Variants in CSMD3 observed in about 807,000 individuals in gnomAD.
CSMD3 encodes CUB and Sushi multiple domains 3, also known as CUB and sushi domain-containing protein 3.
CSMD3 carries 177 observed loss-of-function variants against 435.2 expected under a neutral mutation model. The observed-to-expected ratio is 0.41, with a 90% confidence interval of 0.36 to 0.46. The LOEUF is 0.46. Ranked by LOEUF, CSMD3 falls within the 20% of genes least tolerant of loss-of-function variation. The pLI is 0.34. For missense variants in CSMD3, 4,265 were observed against 4,504.6 expected, an observed-to-expected ratio of 0.95 and a Z score of 1.52; for synonymous variants, 1,656 against 1,520.5, an observed-to-expected ratio of 1.09 and a Z score of -2.07.
In CSMD3 at chr8:112,600,853, A is replaced by G. The variant is rs1246655672; in HGVS notation, c.3716-13618T>C. Among the ~76,000 whole-genome samples, 3 of 151,744 alleles carry G rather than the reference A, an allele frequency of 2.0e-5. No homozygotes were observed. In the East Asian group the frequency reaches 5.8e-4, roughly 29 times the overall value. On this transcript the variant is annotated intron_variant, in intron 22 of 70. Transcript: ENST00000297405. ...CCACTACGCCCAGCTAATTTTATGT[A>G]TTTTTAGTAGAGACGGGGTTTCACC...
At chr8:112,930,085 T>C (rs979701321) in intron 9 of CSMD3, among the ~76,000 whole-genome samples, 1 of 152,118 alleles carries the variant, frequency 6.6e-6, no homozygotes, top group African/African-American at 2.4e-5. Context: ...AATTTAATGC[T>C]ATATTGTTTA....
chr8:112,355,183 A>G (rs1184725375), intron 38 of CSMD3, among the ~76,000 whole-genome samples: 1 of 152,214 alleles, frequency 6.6e-6, no homozygotes, highest in African/African-American at 2.4e-5. Flanking sequence ...TATCTCTCAC[A>G]TTTACAAAAA....
intron 7 of CSMD3, among the ~76,000 whole-genome samples, chr8:112,961,470 C>T (rs373765353): frequency 4.0e-5 from 6 of 151,654 alleles, no homozygotes; most frequent in Non-Finnish European, 8.9e-5. Flanking sequence ...TTCTATTTTA[C>T]AAAAGAAGAT....
At chr8:112,495,049 A>G (rs1332059269) in intron 30 of CSMD3, among the ~76,000 whole-genome samples, 1 of 152,182 alleles carries the variant, frequency 6.6e-6, no homozygotes, top group Non-Finnish European at 1.5e-5. Flanking sequence ...ATATTCACAC[A>G]ACTCTTTTTA....
intron 32 of CSMD3, among the ~76,000 whole-genome samples, chr8:112,447,259 T>C (rs1018634571): frequency 1.3e-5 from 2 of 152,068 alleles, no homozygotes; most frequent in Non-Finnish European, 2.9e-5. Flanking sequence ...TAAATTTTTA[T>C]AATGGAAAAG....
At chr8:113,026,525 A>G (rs1301559095) in intron 5 of CSMD3, among the ~76,000 whole-genome samples, 3 of 152,258 alleles carry the variant, frequency 2.0e-5, no homozygotes, top group East Asian at 3.9e-4. Flanking sequence ...CTTAGTGATA[A>G]GTTTTCTATG....
chr8:112,521,633 TTTAAGTA>T (rs1311786422), intron 27 of CSMD3, among the ~76,000 whole-genome samples: 1 of 151,882 alleles, frequency 6.6e-6, no homozygotes, highest in Non-Finnish European at 1.5e-5. Context: ...ACTTCATAAG[TTTAAGTA>T]TTATTTTTAG....
At chr8:112,630,059 G>T (rs186450586) in intron 22 of CSMD3, among the ~76,000 whole-genome samples, 355 of 152,228 alleles carry the variant, frequency 2.3e-3, no homozygotes, top group African/African-American at 8.1e-3. Flanking sequence ...ATATAACCAT[G>T]TGACCTTGGA....
At chr8:113,377,538 A>G (rs545682395) in intron 1 of CSMD3, among the ~76,000 whole-genome samples, 2 of 152,294 alleles carry the variant, frequency 1.3e-5, no homozygotes, top group East Asian at 3.9e-4. Context: ...GCTGAGTTTT[A>G]GTTCATTTGA....
At chr8:112,636,132 C>G (rs938145370) in intron 22 of CSMD3, among the ~76,000 whole-genome samples, 1 of 151,948 alleles carries the variant, frequency 6.6e-6, no homozygotes, top group African/African-American at 2.4e-5. Context: ...AATGAAAAGC[C>G]TTTTTTCTAC....
intron 2 of CSMD3, among the ~76,000 whole-genome samples, chr8:113,296,082 G>A (rs1349448515): frequency 6.6e-6 from 1 of 151,802 alleles, no homozygotes; most frequent in African/African-American, 2.4e-5. Flanking sequence ...TCACTCATAG[G>A]TGGGAAGTGA....
At chr8:112,830,669 G>C (rs2079843166) in intron 11 of CSMD3, among the ~76,000 whole-genome samples, 2 of 151,244 alleles carry the variant, frequency 1.3e-5, no homozygotes, top group African/African-American at 4.9e-5. Flanking sequence ...TATTATGAGA[G>C]AATAAATGAA....
intron 35 of CSMD3, among the ~76,000 whole-genome samples, chr8:112,402,092 A>G (rs867062432): frequency 6.6e-6 from 1 of 152,334 alleles, no homozygotes; most frequent in African/African-American, 2.4e-5. Flanking sequence ...ATTAGGTTCC[A>G]AGAACTAAGC....
chr8:112,316,297 A>C (rs1430786433), intron 47 of CSMD3, among the ~76,000 whole-genome samples: 1 of 151,806 alleles, frequency 6.6e-6, no homozygotes, highest in African/African-American at 2.4e-5. Flanking sequence ...GATTAAAAAT[A>C]TTGCATAAAT....
chr8:112,739,808 T>A (rs2077263915), intron 13 of CSMD3, among the ~76,000 whole-genome samples: 1 of 151,836 alleles, frequency 6.6e-6, no homozygotes, highest in Non-Finnish European at 1.5e-5. Context: ...TAAATATACA[T>A]TTAAGTGTTT....
At chr8:112,378,582 T>A (rs1372282403) in intron 38 of CSMD3, among the ~76,000 whole-genome samples, 1 of 152,178 alleles carries the variant, frequency 6.6e-6, no homozygotes, top group Non-Finnish European at 1.5e-5. Context: ...ATATTGCATA[T>A]TCTCACGCAT....
intron 10 of CSMD3, among the ~76,000 whole-genome samples, chr8:112,866,176 C>T (rs1267378744): frequency 6.6e-6 from 1 of 152,084 alleles, no homozygotes; most frequent in East Asian, 1.9e-4. Context: ...GTTTGTGGTT[C>T]ATTTTTCATC....
At chr8:113,374,071 A>G (rs1408164818) in intron 1 of CSMD3, among the ~76,000 whole-genome samples, 1 of 152,066 alleles carries the variant, frequency 6.6e-6, no homozygotes, top group East Asian at 1.9e-4. Flanking sequence ...ATCTAGCTAT[A>G]TAATATCTAG....
chr8:113,405,947 G>A (rs192081035), intron 1 of CSMD3, among the ~76,000 whole-genome samples: 12 of 151,822 alleles, frequency 7.9e-5, no homozygotes, highest in African/African-American at 2.2e-4. Context: ...GCTGTTTTAC[G>A]AGTTGCATTG....
Sources: gnomAD v4.1 joint callset for allele counts (sites outside exome capture counted in the v4.1 genomes callset) on GRCh38, gnomAD v4.1.1 for gene constraint, MANE v1.5 for transcripts, NCBI Gene and HGNC (gene_info 2026-07-23, HGNC 2026-07-21) for gene names.